The following GRIP1 variants were observed in gnomAD, a reference collection of about 807,000 sequenced individuals.
GRIP1 encodes glutamate receptor-interacting protein 1.
GRIP1 carries 45 observed loss-of-function variants against 129.9 expected under a neutral mutation model. The observed-to-expected ratio is 0.35, with a 90% CI of 0.27 to 0.44. The LOEUF (loss-of-function observed/expected upper bound fraction) is 0.44. Among genes scored for constraint, GRIP1 ranks in the 20% least tolerant of loss-of-function variants. The pLI is 1.00. For missense variants in GRIP1, 1,196 were observed against 1,396.8 expected (o/e 0.86, Z 2.29); for synonymous variants, 530 against 520.8 (o/e 1.02, Z -0.24).
chr12:66,864,514 G>A (rs1295177276), intron 1 of GRIP1, among the ~76,000 whole-genome samples: 2 of 151,788 alleles, frequency 1.3e-5, no homozygotes, highest in Non-Finnish European at 2.9e-5. Context: ...CTGTAAGTTC[G>A]AGACCAGCCT....
chr12:66,630,028 C>T (rs188080066), intron 1 of GRIP1, among the ~76,000 whole-genome samples: 13 of 146,884 alleles, frequency 8.9e-5, no homozygotes, highest in Admixed American at 6.9e-4. Flanking sequence ...ATATCCAAGG[C>T]TCTTTCTACT....
intron 1 of GRIP1, among the ~76,000 whole-genome samples, chr12:66,656,685 T>C (rs1205593507): frequency 6.6e-6 from 1 of 152,208 alleles, no homozygotes; most frequent in Admixed American, 6.5e-5. Context: ...AAGTAAAGGC[T>C]GTATCCTTAG....
chr12:66,398,832 G>A (rs886247701), intron 16 of GRIP1, among the ~76,000 whole-genome samples: 15 of 151,924 alleles, frequency 9.9e-5, no homozygotes, highest in Admixed American at 9.2e-4. Context: ...TGCCCCCCTT[G>A]AGAATGCATG....
intron 1 of GRIP1, among the ~76,000 whole-genome samples, chr12:66,597,484 G>A (rs535624166): frequency 3.3e-5 from 5 of 152,314 alleles, no homozygotes; most frequent in Non-Finnish European, 7.4e-5. Context: ...AAAGCAGAGG[G>A]ATAGAGATGT....
intron 1 of GRIP1, among the ~76,000 whole-genome samples, chr12:66,865,559 C>G (rs1041663198): frequency 3.3e-5 from 5 of 151,406 alleles, no homozygotes; most frequent in African/African-American, 1.2e-4. Context: ...TTTAAAAGGT[C>G]AACAACACAT....
chr12:67,017,093 G>A (rs2042799148), intron 1 of GRIP1, among the ~76,000 whole-genome samples: 1 of 152,166 alleles, frequency 6.6e-6, no homozygotes, highest in Non-Finnish European at 1.5e-5. Flanking sequence ...CAATGAATCT[G>A]CTTTCTAGGA....
intron 1 of GRIP1, among the ~76,000 whole-genome samples, chr12:66,926,785 C>G (rs11608974): frequency 3.8e-4 from 58 of 152,294 alleles, no homozygotes; most frequent in Non-Finnish European, 1.0e-4. Flanking sequence ...GCACATTTCA[C>G]TAGGCCACAT....
intron 1 of GRIP1, among the ~76,000 whole-genome samples, chr12:66,785,343 C>CATACATACATACATACATATAT (rs377630345): frequency 6.9e-5 from 5 of 72,778 alleles, no homozygotes; most frequent in African/African-American, 2.0e-4. Context: ...TACATACATA[C>CATACATACATACATACATATAT]ATATATATAT....
chr12:66,663,896 G>A (rs2033651947), intron 1 of GRIP1, among the ~76,000 whole-genome samples: 2 of 152,138 alleles, frequency 1.3e-5, no homozygotes, highest in Non-Finnish European at 2.9e-5. Context: ...AATGGCTGGT[G>A]CATCTATGCT....
chr12:67,054,601 TA>T (rs2043402901), intron 1 of GRIP1, among the ~76,000 whole-genome samples: 1 of 152,030 alleles, frequency 6.6e-6, no homozygotes, highest in East Asian at 1.9e-4. Flanking sequence ...CCGTTTCTAC[TA>T]AAAATACAAA....
chr12:66,846,936 T>C (rs1276426208), intron 1 of GRIP1, among the ~76,000 whole-genome samples: 3 of 152,180 alleles, frequency 2.0e-5, no homozygotes, highest in African/African-American at 7.2e-5. Flanking sequence ...ATGACATCAG[T>C]GGACTCTGGA....
intron 1 of GRIP1, among the ~76,000 whole-genome samples, chr12:66,754,864 A>T (rs990237319): frequency 1.3e-5 from 2 of 152,172 alleles, no homozygotes; most frequent in Non-Finnish European, 2.9e-5. Flanking sequence ...TGCCTGCTTC[A>T]TTCTGATACC....
intron 1 of GRIP1, among the ~76,000 whole-genome samples, chr12:66,650,814 A>G (rs1328901904): frequency 1.3e-5 from 2 of 152,168 alleles, no homozygotes; most frequent in Non-Finnish European, 2.9e-5. Flanking sequence ...TTGTCAATGT[A>G]GAAAGGTAAC....
intron 1 of GRIP1, among the ~76,000 whole-genome samples, chr12:66,611,177 T>C (rs1174171811): frequency 6.6e-6 from 1 of 152,164 alleles, no homozygotes; most frequent in African/African-American, 2.4e-5. Context: ...TATCATCACA[T>C]TTATGTAAAC....
rs1000123826 is a variant in GRIP1 at position 66,765,892 on chromosome 12, A to G, written c.-420+38161T>C. Among the ~76,000 whole-genome samples, 170 of 152,314 alleles carry G rather than the reference A, an allele frequency of 1.1e-3. 1 individual carries two copies. Among genetic ancestry groups the G allele is most frequent in the African/African-American group, 3.9e-3 (164 of 41,568 alleles). On this transcript the variant is annotated intron_variant, in intron 1 of 4. Coordinates refer to the GRIP1 transcript ENST00000538373. ...ACAGGAAGAAGATGGGAGGAGAATG[A>G]ACCAGGAGGAAATGACTGCAGACAT...
chr12:66,938,769 C>G (rs112265627), intron 1 of GRIP1, among the ~76,000 whole-genome samples: 2 of 152,000 alleles, frequency 1.3e-5, no homozygotes, highest in Non-Finnish European at 2.9e-5. Context: ...CCATCCTGGC[C>G]AACATGGTGA....
At chr12:66,854,932 T>C (rs551073297) in intron 1 of GRIP1, among the ~76,000 whole-genome samples, 62 of 152,180 alleles carry the variant, frequency 4.1e-4, no homozygotes, top group African/African-American at 1.4e-3. Context: ...TGGCTCTTTG[T>C]AAAGAGAAAC....
At chr12:66,635,450 GAAAT>G (rs1402736505) in intron 1 of GRIP1, among the ~76,000 whole-genome samples, 1 of 151,482 alleles carries the variant, frequency 6.6e-6, no homozygotes, top group African/African-American at 2.4e-5. Flanking sequence ...AAAGAAAAAA[GAAAT>G]AAAATTTATA....
At chr12:67,026,572 T>C (rs1234369406) in intron 1 of GRIP1, among the ~76,000 whole-genome samples, 1 of 152,240 alleles carries the variant, frequency 6.6e-6, no homozygotes, top group Non-Finnish European at 1.5e-5. Context: ...TTATTTCTAT[T>C]GAAGCTGGCT....
Sources: gnomAD v4.1 joint callset for allele counts (sites outside exome capture counted in the v4.1 genomes callset) on GRCh38, gnomAD v4.1.1 for gene constraint, MANE v1.5 for transcripts, NCBI Gene and HGNC (gene_info 2026-07-23, HGNC 2026-07-21) for gene names.